CCBE1: variants seen among roughly 807,000 people sequenced by gnomAD.
CCBE1 encodes collagen and calcium binding EGF domains 1.
Under a neutral mutation model 50.0 loss-of-function variants are expected in CCBE1, and 37 were observed. The observed-to-expected ratio is 0.74, with a 90% confidence interval of 0.57 to 0.97. The LOEUF is 0.97. Among genes scored for constraint, CCBE1 ranks in the 50% least tolerant of loss-of-function variants. The pLI is 0.00. For synonymous variants in CCBE1, 234 were observed against 203.7 expected, an observed-to-expected ratio of 1.15 and a Z score of -1.27; for missense variants, 538 against 523.8, an observed-to-expected ratio of 1.03 and a Z score of -0.26.
chr18:59,466,865 C>T lies in CCBE1; in HGVS notation c.427G>A (p.Gly143Arg), dbSNP rs1453375172. ...LDIDECASSN[G>R]TLCAHICINT... ...ATGCAGATGTGGGCACACAGCGTCCCATTGCTGCTGGCACACTCATCAATA... is the reference window on the plus strand; with the variant it reads ...ATGCAGATGTGGGCACACAGCGTCCTATTGCTGCTGGCACACTCATCAATA... Residue 143 changes from glycine to arginine, a missense_variant, in exon 5 of 11, where the codon GGG becomes AGG. By Grantham distance (125) the Gly-to-Arg change is moderately radical. Coordinates refer to ENST00000439986, the MANE Select transcript of CCBE1 (RefSeq NM_133459.4). 1 of 1,613,206 alleles carries T rather than the reference C, an allele frequency of 6.2e-7. No homozygotes were observed. Among genetic ancestry groups the T allele is most frequent in the East Asian group, 2.2e-5 (1 of 44,874 alleles).
At chr18:59,582,441 C>T (rs1413752947) in intron 2 of CCBE1, among the ~76,000 whole-genome samples, 1 of 152,192 alleles carries the variant, frequency 6.6e-6, no homozygotes, top group Non-Finnish European at 1.5e-5. Flanking sequence ...CCATGAATGC[C>T]AAGTACGTGA....
At chr18:59,612,842 GTTTTTGTTT>G (rs1177456650) in intron 2 of CCBE1, among the ~76,000 whole-genome samples, 1 of 51,778 alleles carries the variant, frequency 1.9e-5, no homozygotes, top group African/African-American at 6.4e-5. Flanking sequence ...TTTTGTTTTT[GTTTTTGTTT>G]TTTTTAATGT....
At chr18:59,465,984 G>A (rs1911722327) in intron 5 of CCBE1, among the ~76,000 whole-genome samples, 1 of 152,038 alleles carries the variant, frequency 6.6e-6, no homozygotes, top group Non-Finnish European at 1.5e-5. Context: ...CTCTTTAGAA[G>A]GAGTTTGAAC....
intron 2 of CCBE1, among the ~76,000 whole-genome samples, chr18:59,631,047 TG>T (rs2053842542): frequency 6.6e-6 from 1 of 152,192 alleles, no homozygotes; most frequent in Admixed American, 6.5e-5. Flanking sequence ...CATTTTCTTT[TG>T]GGGAATGATG....
chr18:59,550,819 G>A (rs1476968517), intron 2 of CCBE1, among the ~76,000 whole-genome samples: 1 of 151,730 alleles, frequency 6.6e-6, no homozygotes, highest in Admixed American at 6.6e-5. Context: ...ACGAAGTCAG[G>A]AGATCAAAAC....
intron 2 of CCBE1, among the ~76,000 whole-genome samples, chr18:59,613,866 T>TTC (rs1232754969): frequency 2.0e-5 from 2 of 101,272 alleles, no homozygotes; most frequent in South Asian, 6.4e-4. Context: ...CTGATGGGTT[T>TTC]TTTTTTTTTT....
In CCBE1 at chr18:59,436,050, C is replaced by T. The variant is rs200219373; in HGVS notation, c.1079G>A (p.Arg360Gln). 6.6e-5 allele frequency: 106 copies of T among 1,614,088 alleles called. 2 individuals are homozygous for T. In the Middle Eastern group the frequency reaches 3.3e-3, roughly 50 times the overall value. Residue 360 changes from arginine to glutamine, a missense_variant, in exon 11 of 11, where the codon CGG (arginine) becomes CAG (glutamine). Transcript: ENST00000439986. ...GAACTCCTCTGCTGAAGAGTGAGTCCGGTGCCCGAACACCTTTTCCTGCAG... is the reference window on the plus strand; with the variant it reads ...GAACTCCTCTGCTGAAGAGTGAGTCTGGTGCCCGAACACCTTTTCCTGCAG... Reference protein sequence around the residue: ...TELQEKVFGHRTHSSAEEFPL... With the variant: ...TELQEKVFGHQTHSSAEEFPL...
intron 2 of CCBE1, among the ~76,000 whole-genome samples, chr18:59,509,206 A>G (rs1029604368): frequency 6.6e-6 from 1 of 152,218 alleles, no homozygotes; most frequent in Non-Finnish European, 1.5e-5. Context: ...TGGCTGCCAC[A>G]ATATTTCCCT....
At chr18:59,613,433 T>A (rs1484316366) in intron 2 of CCBE1, among the ~76,000 whole-genome samples, 3 of 152,246 alleles carry the variant, frequency 2.0e-5, no homozygotes, top group African/African-American at 7.2e-5. Context: ...CCTGTTTTTC[T>A]CTGAAGAATA....
intron 2 of CCBE1, among the ~76,000 whole-genome samples, chr18:59,583,097 C>A (rs2053110087): frequency 6.6e-6 from 1 of 152,154 alleles, no homozygotes; most frequent in Non-Finnish European, 1.5e-5. Context: ...GGGATTATAG[C>A]CATGAGCTAA....
At chr18:59,540,901 A>C (rs1370660349) in intron 2 of CCBE1, among the ~76,000 whole-genome samples, 2 of 152,338 alleles carry the variant, frequency 1.3e-5, no homozygotes, top group East Asian at 3.9e-4. Flanking sequence ...TAAGAAACTA[A>C]CAGTGTCTGT....
intron 2 of CCBE1, 80 bp from the exon 3 acceptor site, chr18:59,480,318 A>G (rs1192519007): frequency 9.0e-7 from 1 of 1,111,398 alleles, no homozygotes; most frequent in African/African-American, 1.6e-5. Context: ...TTTGAATGAA[A>G]TAACTTGTGC....
At chr18:59,564,726 C>T (rs1159229837) in intron 2 of CCBE1, among the ~76,000 whole-genome samples, 2 of 152,124 alleles carry the variant, frequency 1.3e-5, no homozygotes, top group Non-Finnish European at 1.5e-5. Context: ...GGAATGAAGA[C>T]GATGAACACT....
intron 5 of CCBE1, 182 bp from the exon 6 acceptor site, chr18:59,455,133 G>T: frequency 2.9e-6 from 2 of 685,074 alleles, no homozygotes; most frequent in Non-Finnish European, 5.4e-6. Context: ...TCAGGGAAGA[G>T]GGGAGGACAG....
intron 2 of CCBE1, among the ~76,000 whole-genome samples, chr18:59,671,317 C>G (rs1037823518): frequency 2.0e-5 from 3 of 151,966 alleles, no homozygotes; most frequent in African/African-American, 7.3e-5. Context: ...GCCTGGGCAA[C>G]AGGGCAAAAC....
intron 2 of CCBE1, among the ~76,000 whole-genome samples, chr18:59,584,550 G>A (rs941060527): frequency 1.3e-5 from 2 of 152,172 alleles, no homozygotes; most frequent in Non-Finnish European, 2.9e-5. Context: ...GGGGCCTGGT[G>A]GGAAGTGATT....
At chr18:59,636,578 C>T (rs994923726) in intron 2 of CCBE1, among the ~76,000 whole-genome samples, 1 of 152,206 alleles carries the variant, frequency 6.6e-6, no homozygotes, top group Non-Finnish European at 1.5e-5. Context: ...CAGAGCAAGA[C>T]TTACCACACA....
intron 2 of CCBE1, among the ~76,000 whole-genome samples, chr18:59,490,934 G>A (rs1913070079): frequency 6.6e-6 from 1 of 152,134 alleles, no homozygotes; most frequent in Admixed American, 6.6e-5. Flanking sequence ...ATTTTTGGAA[G>A]CACTGATGGC....
At chr18:59,689,680 C>T (rs1012175952) in intron 2 of CCBE1, among the ~76,000 whole-genome samples, 1 of 152,144 alleles carries the variant, frequency 6.6e-6, no homozygotes, top group African/African-American at 2.4e-5. Context: ...CAGTCACTGT[C>T]GGAAAACATG....
Sources: allele counts gnomAD v4.1 joint callset (sites outside exome capture counted in the v4.1 genomes callset), GRCh38; gene constraint gnomAD v4.1.1; transcripts MANE v1.5; gene names NCBI Gene and HGNC (gene_info 2026-07-23, HGNC 2026-07-21).